The following RUNX1 variants were observed in gnomAD, a reference collection of about 807,000 sequenced individuals.
RUNX1 encodes runt-related transcription factor 1.
A neutral mutation model predicts 42.8 loss-of-function variants in RUNX1; 19 were observed. The ratio of observed to expected loss-of-function variants is 0.44; its 90% confidence interval spans 0.31 to 0.65. RUNX1 has a LOEUF of 0.65. Among genes scored for constraint, RUNX1 ranks in the 30% least tolerant of loss-of-function variants. The probability of loss-of-function intolerance (pLI) is 0.07; values close to 1 mark genes in which losing one functional copy is unlikely to be tolerated. For synonymous variants in RUNX1, 271 were observed against 289.4 expected, an observed-to-expected ratio of 0.94 and a Z score of 0.64; for missense variants, 528 against 672.0, an observed-to-expected ratio of 0.79 and a Z score of 2.37.
At chr21:34,908,517 A>C (rs2058243780) in intron 2 of RUNX1, among the ~76,000 whole-genome samples, 1 of 152,198 alleles carries the variant, frequency 6.6e-6, no homozygotes, top group Non-Finnish European at 1.5e-5. Context: ...ACTGTCACCA[A>C]GGGCTGGGAT....
rs147729104 is a variant in RUNX1 at position 35,005,279 on chromosome 21, C to T, written c.58+43563G>A. On this transcript the variant is annotated intron_variant, in intron 2 of 8. Coordinates refer to ENST00000675419, the MANE Select transcript of RUNX1 (RefSeq NM_001754.5). ...ACTCAGTAAAGACCCCCACTGACCCCACAATTTGTCTACAGTCCTATAAAC... is the reference window on the plus strand; with the variant it reads ...ACTCAGTAAAGACCCCCACTGACCCTACAATTTGTCTACAGTCCTATAAAC... 5.5e-3 allele frequency among the ~76,000 whole-genome samples: 840 copies of T among 152,150 alleles called. 11 individuals are homozygous for T. Among genetic ancestry groups the T allele is most frequent in the African/African-American group, 0.019 (783 of 41,492 alleles).
At chr21:34,853,815 AT>A (rs34643463) in intron 6 of RUNX1, among the ~76,000 whole-genome samples, 3,030 of 139,096 alleles carry the variant, frequency 0.022, 28 homozygotes, top group Middle Eastern at 0.043. Flanking sequence ...TCCTTCCTTC[AT>A]TTTTTTTTTT....
chr21:34,882,472 T>G (rs1444271714), intron 4 of RUNX1, among the ~76,000 whole-genome samples: 1 of 152,338 alleles, frequency 6.6e-6, no homozygotes, highest in East Asian at 1.9e-4. Context: ...TCTCTCTTTT[T>G]AATCCTTTCA....
intron 3 of RUNX1, 115 bp from the exon 4 acceptor site, chr21:34,887,211 C>T: frequency 7.9e-7 from 1 of 1,271,596 alleles, no homozygotes; most frequent in Non-Finnish European, 1.0e-6. Context: ...GACCAACATA[C>T]ACGTTCAGGG....
chr21:35,049,006 T>TA, intron 1 of RUNX1, 48 bp from the exon 2 acceptor site: 1 of 890,914 alleles, frequency 1.1e-6, no homozygotes, highest in Non-Finnish European at 1.9e-6. Context: ...CTCACCCCTC[T>TA]AGCCCTACAT....
intron 2 of RUNX1, among the ~76,000 whole-genome samples, chr21:34,899,422 C>T (rs2058159295): frequency 6.6e-6 from 1 of 152,086 alleles, no homozygotes; most frequent in Admixed American, 6.6e-5. Flanking sequence ...CTCTTTCTCT[C>T]TCTCTCCCTC....
intron 3 of RUNX1, among the ~76,000 whole-genome samples, chr21:34,890,247 C>CCCCGGTGCT (rs2058064851): frequency 6.6e-6 from 1 of 151,986 alleles, no homozygotes; most frequent in African/African-American, 2.4e-5. Context: ...CGCGCGCAGT[C>CCCCGGTGCT]CCCGGAGCTC....
intron 7 of RUNX1, chr21:34,829,780 AG>A (rs550515957): frequency 1.2e-4 from 18 of 152,324 alleles, no homozygotes; most frequent in African/African-American, 4.3e-4. Flanking sequence ...TCAAATTGCT[AG>A]AAGAGTAAGG....
rs1490025066 is a variant in RUNX1 at position 34,789,060 on chromosome 21, T to G, written c.*3075A>C. The G allele has an allele frequency of 4.3e-6, 1 of 233,184 alleles. No individual in the cohort carries two copies. Among genetic ancestry groups the G allele is most frequent in the Non-Finnish European group, 8.5e-6 (1 of 118,080 alleles). The allele number at this position is 233,184 out of a possible 1,614,324, so 14.4% of individuals were successfully genotyped here. ...AAAGGCTGTCTATTTACTCACTGAT[T>G]GTGATTTGCCCAGGAAAGTTTGCTG... is the stretch of plus-strand genomic sequence containing the variant. On this transcript the variant is annotated 3_prime_UTR_variant, in exon 9 of 9. Transcript: ENST00000675419.
chr21:35,011,751 C>T (rs774476653), intron 2 of RUNX1, among the ~76,000 whole-genome samples: 8 of 152,150 alleles, frequency 5.3e-5, no homozygotes, highest in Non-Finnish European at 8.8e-5. Context: ...TGCTAATTAC[C>T]ATTTTGTTTT....
At chr21:34,900,013 T>C (rs1029825256) in intron 2 of RUNX1, among the ~76,000 whole-genome samples, 24 of 152,336 alleles carry the variant, frequency 1.6e-4, no homozygotes, top group Admixed American at 1.0e-3. Flanking sequence ...TGGACATTCT[T>C]TCTTATTCTA....
intron 2 of RUNX1, among the ~76,000 whole-genome samples, chr21:34,971,421 A>C (rs1469384824): frequency 6.6e-6 from 1 of 152,126 alleles, no homozygotes; most frequent in Non-Finnish European, 1.5e-5. Flanking sequence ...AAAGAATGAT[A>C]ATTCTTTTGC....
At chr21:34,836,544 C>T (rs1344189873) in intron 6 of RUNX1, among the ~76,000 whole-genome samples, 3 of 152,194 alleles carry the variant, frequency 2.0e-5, no homozygotes, top group African/African-American at 7.2e-5. Flanking sequence ...TCCAATGGAA[C>T]AACCATTCAA....
intron 2 of RUNX1, among the ~76,000 whole-genome samples, chr21:35,012,815 CTAAAG>C (rs1426339195): frequency 2.0e-5 from 3 of 151,856 alleles, no homozygotes; most frequent in Admixed American, 2.0e-4. Flanking sequence ...TTTAGATACT[CTAAAG>C]TAGAGTAGAA....
chr21:35,023,061 G>A (rs114860532), intron 2 of RUNX1, among the ~76,000 whole-genome samples: 5,901 of 151,656 alleles, frequency 0.039, 196 homozygotes, highest in African/African-American at 0.098. Context: ...TTCAGCCTCA[G>A]CCTCTTCAGT....
intron 7 of RUNX1, among the ~76,000 whole-genome samples, chr21:34,799,925 T>C (rs771242454): frequency 6.6e-6 from 1 of 152,194 alleles, no homozygotes; most frequent in African/African-American, 2.4e-5. Context: ...GGGCTTTTTT[T>C]TTATACCTTT....
chr21:35,009,008 C>T (rs941749946), intron 2 of RUNX1, among the ~76,000 whole-genome samples: 35 of 152,256 alleles, frequency 2.3e-4, no homozygotes, highest in African/African-American at 7.5e-4. Context: ...GAGAGCAGGT[C>T]GTGTGTGTGT....
intron 7 of RUNX1, among the ~76,000 whole-genome samples, chr21:34,822,824 G>A (rs1364358828): frequency 6.6e-6 from 1 of 152,188 alleles, no homozygotes; most frequent in Non-Finnish European, 1.5e-5. Flanking sequence ...CCACAACAGT[G>A]TTATAATCCC....
At chr21:35,047,905 T>A (rs2147038486) in intron 2 of RUNX1, among the ~76,000 whole-genome samples, 1 of 152,316 alleles carries the variant, frequency 6.6e-6, no homozygotes, top group South Asian at 2.1e-4. Flanking sequence ...TATGTTATTA[T>A]TTTTGTTTGT....
Sources: gnomAD v4.1 joint callset for allele counts (sites outside exome capture counted in the v4.1 genomes callset) on GRCh38, gnomAD v4.1.1 for gene constraint, MANE v1.5 for transcripts, NCBI Gene and HGNC (gene_info 2026-07-23, HGNC 2026-07-21) for gene names.